Variants in DLG2 observed in about 807,000 individuals in gnomAD.
DLG2 encodes the protein disks large homolog 2.
DLG2 carries 45 observed loss-of-function variants against 132.5 expected under a neutral mutation model. The observed-to-expected ratio is 0.34, with a 90% confidence interval of 0.27 to 0.44. The LOEUF is 0.44. Ranked by LOEUF, DLG2 falls within the 20% of genes least tolerant of loss-of-function variation. The pLI, the probability that DLG2 is intolerant of heterozygous loss-of-function variation, is 1.00. For missense variants in DLG2, 1,045 were observed against 1,196.9 expected, an observed-to-expected ratio of 0.87 and a Z score of 1.87; for synonymous variants, 424 against 419.6, an observed-to-expected ratio of 1.01 and a Z score of -0.13.
chr11:85,163,586 G>C (rs2078206853), intron 4 of DLG2, among the ~76,000 whole-genome samples: 1 of 152,154 alleles, frequency 6.6e-6, no homozygotes, highest in Non-Finnish European at 1.5e-5. Context: ...GTGTGGGCTT[G>C]AAAGGCAGCA....
intron 7 of DLG2, among the ~76,000 whole-genome samples, chr11:84,263,669 GC>G (rs1270704915): frequency 2.0e-5 from 3 of 151,980 alleles, no homozygotes; most frequent in African/African-American, 7.3e-5. Context: ...AAATCCCTCT[GC>G]CTTCATTTTT....
At chr11:84,602,865 GTTAAA>G (rs751101323) in intron 6 of DLG2, among the ~76,000 whole-genome samples, 5 of 151,734 alleles carry the variant, frequency 3.3e-5, no homozygotes, top group South Asian at 2.1e-4. Flanking sequence ...CTGTTGCTGA[GTTAAA>G]TTAAATGAAA....
intron 22 of DLG2, among the ~76,000 whole-genome samples, chr11:83,481,915 T>G (rs2093147873): frequency 6.6e-6 from 1 of 152,126 alleles, no homozygotes; most frequent in Admixed American, 6.6e-5. Context: ...GTCCTATTTC[T>G]GACACTCCAA....
chr11:84,542,929 T>C (rs1048423466), intron 6 of DLG2, among the ~76,000 whole-genome samples: 1 of 87,782 alleles, frequency 1.1e-5, no homozygotes, highest in African/African-American at 4.8e-5. Context: ...ATTTCTGCAG[T>C]CTGTACCCAG....
intron 3 of DLG2, among the ~76,000 whole-genome samples, chr11:85,425,160 A>G (rs369289452): frequency 6.6e-6 from 1 of 152,338 alleles, no homozygotes; most frequent in African/African-American, 2.4e-5. Flanking sequence ...CTTCTGATAG[A>G]TGTTAATTTT....
At chr11:84,578,117 A>T (rs1469482603) in intron 6 of DLG2, among the ~76,000 whole-genome samples, 1 of 152,168 alleles carries the variant, frequency 6.6e-6, no homozygotes, top group Non-Finnish European at 1.5e-5. Flanking sequence ...TAGATTTCAG[A>T]AGATGTATGG....
intron 6 of DLG2, among the ~76,000 whole-genome samples, chr11:85,068,972 G>T (rs537913875): frequency 1.3e-5 from 2 of 152,190 alleles, no homozygotes; most frequent in African/African-American, 4.8e-5. Flanking sequence ...CAATGGAACA[G>T]AACAGAGCCC....
chr11:83,925,840 T>C (rs1253388295), intron 15 of DLG2, among the ~76,000 whole-genome samples: 1 of 152,062 alleles, frequency 6.6e-6, no homozygotes, highest in Non-Finnish European at 1.5e-5. Context: ...CCTAGAAATA[T>C]CAAAAGCTGA....
intron 3 of DLG2, among the ~76,000 whole-genome samples, chr11:85,473,173 T>C (rs2093039225): frequency 6.6e-6 from 1 of 152,216 alleles, no homozygotes; most frequent in Non-Finnish European, 1.5e-5. Flanking sequence ...GGCTTGCCCT[T>C]GGTGGGCCTG....
At chr11:84,841,889 T>A (rs2080745080) in intron 6 of DLG2, among the ~76,000 whole-genome samples, 1 of 152,004 alleles carries the variant, frequency 6.6e-6, no homozygotes, top group African/African-American at 2.4e-5. Context: ...TTTTTATTAT[T>A]ACAGATAATG....
At chr11:85,625,301 A>G (rs185613050) in intron 2 of DLG2, 3 of 152,340 alleles carry the variant, frequency 2.0e-5, no homozygotes, top group Non-Finnish European at 2.9e-5. Context: ...TAAATATGTC[A>G]AAGAGCCATA....
At chr11:84,396,344 T>C (rs1468974953) in intron 7 of DLG2, among the ~76,000 whole-genome samples, 1 of 152,128 alleles carries the variant, frequency 6.6e-6, no homozygotes, top group African/African-American at 2.4e-5. Context: ...CCAGCAAAAG[T>C]CCTTAACCAT....
chr11:84,922,691 G>A (rs572628398), intron 6 of DLG2, among the ~76,000 whole-genome samples: 1 of 152,204 alleles, frequency 6.6e-6, no homozygotes, highest in South Asian at 2.1e-4. Flanking sequence ...TCAGCTGCAA[G>A]AACACAGGAA....
At chr11:84,129,776 AAT>A (rs1290900612) in intron 9 of DLG2, among the ~76,000 whole-genome samples, 1 of 151,994 alleles carries the variant, frequency 6.6e-6, no homozygotes, top group African/African-American at 2.4e-5. Flanking sequence ...TGGGGTCTTA[AAT>A]ATGAGTACAC....
chr11:84,944,425 T>C (rs1377699862), intron 6 of DLG2, among the ~76,000 whole-genome samples: 2 of 152,020 alleles, frequency 1.3e-5, no homozygotes, highest in African/African-American at 4.8e-5. Context: ...ATTTTTTGTT[T>C]TTCTTTTGTC....
At chr11:85,267,149 T>G (rs1240688734) in intron 4 of DLG2, among the ~76,000 whole-genome samples, 1 of 152,112 alleles carries the variant, frequency 6.6e-6, no homozygotes, top group Non-Finnish European at 1.5e-5. Flanking sequence ...GAGGGTAGAG[T>G]AATCATGAAT....
chr11:84,533,828 ATT>A (rs1207572736), intron 7 of DLG2, among the ~76,000 whole-genome samples: 1 of 136,600 alleles, frequency 7.3e-6, no homozygotes, highest in East Asian at 2.2e-4. Context: ...CCATATTCTG[ATT>A]TTTTCTTTTT....
At chr11:85,211,664 T>C (rs1041710337) in intron 4 of DLG2, among the ~76,000 whole-genome samples, 2 of 152,146 alleles carry the variant, frequency 1.3e-5, no homozygotes, top group East Asian at 1.9e-4. Context: ...AGATAAATTA[T>C]TGGAACTTTT....
intron 3 of DLG2, among the ~76,000 whole-genome samples, chr11:85,320,520 T>C (rs1283056743): frequency 6.6e-6 from 1 of 151,892 alleles, no homozygotes; most frequent in Non-Finnish European, 1.5e-5. Context: ...AAAGCTCACA[T>C]TCAAGTGTGA....
Sources: gnomAD v4.1 joint callset for allele counts (sites outside exome capture counted in the v4.1 genomes callset) on GRCh38, gnomAD v4.1.1 for gene constraint, MANE v1.5 for transcripts, NCBI Gene and HGNC (gene_info 2026-07-23, HGNC 2026-07-21) for gene names.